CNOT2: variants seen among roughly 807,000 people sequenced by gnomAD.
CNOT2 encodes CCR4-NOT transcription complex subunit 2.
A neutral mutation model predicts 72.1 loss-of-function variants in CNOT2; 7 were observed. That is an observed-to-expected ratio of 0.10 (90% CI 0.06 to 0.18). The LOEUF is 0.18. Ranked by LOEUF, CNOT2 falls within the 10% of genes least tolerant of loss-of-function variation. CNOT2 has a pLI of 1.00. For missense variants in CNOT2, 345 were observed against 660.3 expected, an observed-to-expected ratio of 0.52 and a Z score of 5.23; for synonymous variants, 196 against 225.6, an observed-to-expected ratio of 0.87 and a Z score of 1.17.
chr12:70,331,257 T>A (rs1440006423), intron 6 of CNOT2: 1 of 151,950 alleles, frequency 6.6e-6, no homozygotes, highest in African/African-American at 2.4e-5. Context: ...AAAATCTGAA[T>A]TAAAATAGGT....
intron 1 of CNOT2, chr12:70,243,887 C>T (rs1214064637): frequency 6.6e-6 from 1 of 152,232 alleles, no homozygotes; most frequent in Admixed American, 6.5e-5. Context: ...GCGCTGCTTC[C>T]TGGGGGAGAA....
chr12:70,291,831 G>A (rs1456557148), intron 2 of CNOT2, among the ~76,000 whole-genome samples: 1 of 152,166 alleles, frequency 6.6e-6, no homozygotes, highest in Non-Finnish European at 1.5e-5. Flanking sequence ...CAGCTACTTG[G>A]GAGGCTGAGG....
intron 1 of CNOT2, among the ~76,000 whole-genome samples, chr12:70,258,657 C>T (rs1958575705): frequency 6.6e-6 from 1 of 152,262 alleles, no homozygotes. Flanking sequence ...TATAATCTGA[C>T]AGATGGTGGT....
intron 4 of CNOT2, among the ~76,000 whole-genome samples, chr12:70,328,933 A>G (rs938234710): frequency 6.6e-6 from 1 of 151,964 alleles, no homozygotes; most frequent in Non-Finnish European, 1.5e-5. Context: ...TATAAATAGT[A>G]AATTGGCTTT....
intron 2 of CNOT2, chr12:70,307,759 G>A (rs1410173209): frequency 6.6e-6 from 1 of 151,832 alleles, no homozygotes; most frequent in African/African-American, 2.4e-5. Flanking sequence ...TACTAGTTCT[G>A]CCTCAGAGTA....
intron 2 of CNOT2, among the ~76,000 whole-genome samples, chr12:70,295,666 T>A (rs965439065): frequency 6.6e-6 from 1 of 152,294 alleles, no homozygotes; most frequent in East Asian, 1.9e-4. Flanking sequence ...AATTTTAGGC[T>A]CTATTATGTG....
intron 1 of CNOT2, among the ~76,000 whole-genome samples, chr12:70,264,245 C>T (rs1432675965): frequency 6.6e-6 from 1 of 152,176 alleles, no homozygotes; most frequent in African/African-American, 2.4e-5. Flanking sequence ...CTCTTTGGTA[C>T]ACTAGCTAGC....
At chr12:70,286,956 G>C (rs962695334) in intron 2 of CNOT2, among the ~76,000 whole-genome samples, 1 of 151,642 alleles carries the variant, frequency 6.6e-6, no homozygotes, top group Non-Finnish European at 1.5e-5. Context: ...AAAATTTTTA[G>C]TTATAGGTGT....
chr12:70,263,576 C>T (rs1328167578), intron 1 of CNOT2, among the ~76,000 whole-genome samples: 1 of 152,100 alleles, frequency 6.6e-6, no homozygotes, highest in Non-Finnish European at 1.5e-5. Flanking sequence ...AAAGATAAGA[C>T]ATTGTCACAT....
At chr12:70,263,658 GTCTTTATTAAGTCTGACA>G (rs1300105044) in intron 1 of CNOT2, among the ~76,000 whole-genome samples, 1 of 152,078 alleles carries the variant, frequency 6.6e-6, no homozygotes, top group East Asian at 1.9e-4. Flanking sequence ...CTGCTTTGAA[GTCTTTATTAAGTCTGACA>G]TCTTGGCTCT....
chr12:70,281,562 A>G (rs537666771), intron 2 of CNOT2, among the ~76,000 whole-genome samples: 22 of 152,166 alleles, frequency 1.4e-4, no homozygotes, highest in African/African-American at 5.1e-4. Context: ...GCAGTTTCAC[A>G]CCCACAGGGG....
intron 11 of CNOT2, among the ~76,000 whole-genome samples, chr12:70,340,774 C>A (rs9652031): frequency 0.011 from 1,693 of 152,142 alleles, 32 homozygotes; most frequent in African/African-American, 0.038. Context: ...TCCTTATACC[C>A]CTTCCCGTAC....
rs1353129287 is a variant in CNOT2 at position 70,353,739 on chromosome 12, G to C, written c.1537-90G>C. On this transcript the variant is annotated intron_variant, in intron 15 of 15. Transcript: ENST00000229195. ...GTTGATGTTGATTCATATATATTGG[G>C]TATTTTATTTATTTTTATAGTAAAA... 3.9e-6 allele frequency: 6 copies of C among 1,535,100 alleles called. No individual in the cohort carries two copies. The South Asian group carries it at 7.3e-5, about 19-fold the overall frequency.
chr12:70,345,443 C>T (rs1882043640), intron 14 of CNOT2: 1 of 152,146 alleles, frequency 6.6e-6, no homozygotes, highest in African/African-American at 2.4e-5. Flanking sequence ...ATTCATCTAT[C>T]ACTGGCAGTT....
intron 1 of CNOT2, among the ~76,000 whole-genome samples, chr12:70,277,060 C>G (rs1035146056): frequency 2.0e-5 from 3 of 151,900 alleles, no homozygotes; most frequent in African/African-American, 4.8e-5. Context: ...CTAATTCACT[C>G]TCCTTATAAA....
chr12:70,305,854 G>A (rs979689435), intron 2 of CNOT2, among the ~76,000 whole-genome samples: 6 of 74,110 alleles, frequency 8.1e-5, no homozygotes, highest in African/African-American at 3.0e-4. Context: ...GAAGTTCTTG[G>A]TTATTTTATC....
intron 15 of CNOT2, among the ~76,000 whole-genome samples, chr12:70,350,101 G>C (rs1307520614): frequency 6.6e-6 from 1 of 151,832 alleles, no homozygotes; most frequent in African/African-American, 2.4e-5. Flanking sequence ...CGTTTTGCTG[G>C]AATTACTCAT....
chr12:70,353,687 T>C, intron 15 of CNOT2, 142 bp from the exon 16 acceptor site: 1 of 1,367,204 alleles, frequency 7.3e-7, no homozygotes, highest in Non-Finnish European at 9.8e-7. Context: ...GTATTTTATG[T>C]AGAGGAAAAA....
Position 70,337,436 on chromosome 12 carries a change from A to C in CNOT2, c.823A>C (p.Ile275Leu). 6.2e-7 allele frequency: 1 copy of C among 1,609,684 alleles called. No homozygotes were observed. The highest frequency in any genetic ancestry group is 8.5e-7 in the Non-Finnish European group (1 of 1,176,460). The change falls in exon 9 of 16, where the codon ATA becomes CTA. Residue 275 changes from isoleucine to leucine, a missense_variant. Around this residue, in one of 4 missense-constraint regions of CNOT2, gnomAD observed 128 missense variants for 233.0 expected, o/e 0.55. Coordinates refer to ENST00000229195, the MANE Select transcript of CNOT2 (RefSeq NM_014515.7). ...AAATGAACAATCCCAGGACTTCTCA[A>C]TACACAATGAAGATTTTCCAGCATT... ...PANEQSQDFS[I>L]HNEDFPALPG...
Sources: gnomAD v4.1 joint callset for allele counts (sites outside exome capture counted in the v4.1 genomes callset) on GRCh38, gnomAD v4.1.1 for gene constraint, gnomAD v4.1.1 regional missense constraint, MANE v1.5 for transcripts, NCBI Gene and HGNC (gene_info 2026-07-23, HGNC 2026-07-21) for gene names.